Variants in ARHGAP29 observed in about 807,000 individuals in gnomAD.
ARHGAP29 encodes rho GTPase-activating protein 29.
A neutral mutation model predicts 122.6 loss-of-function variants in ARHGAP29; 43 were observed. That is an observed-to-expected ratio of 0.35 (90% CI 0.27 to 0.45). The LOEUF (loss-of-function observed/expected upper bound fraction) is 0.45, where lower values mean the gene tolerates loss of function less well. Ranked by LOEUF, ARHGAP29 falls within the 20% of genes least tolerant of loss-of-function variation. ARHGAP29 has a pLI of 1.00. For synonymous variants in ARHGAP29, 506 were observed against 497.1 expected (o/e 1.02, Z -0.24); for missense variants, 1,303 against 1,477.2 (o/e 0.88, Z 1.93).
At chr1:94,206,489 T>G (rs1000104325) in intron 5 of ARHGAP29, among the ~76,000 whole-genome samples, 1 of 152,196 alleles carries the variant, frequency 6.6e-6, no homozygotes, top group Non-Finnish European at 1.5e-5. Context: ...GTTCACTAAC[T>G]TTGTAAGTCC....
At chr1:94,190,156 A>G (rs1650051841) in intron 12 of ARHGAP29, 73 bp from the exon 13 acceptor site, 1 of 1,471,664 alleles carries the variant, frequency 6.8e-7, no homozygotes, top group African/African-American at 1.4e-5. Flanking sequence ...ATTTATTTCA[A>G]TGACTGCACC....
At chr1:94,257,094 T>G (rs1654387997) in intron 1 of ARHGAP29, among the ~76,000 whole-genome samples, 1 of 152,118 alleles carries the variant, frequency 6.6e-6, no homozygotes, top group Non-Finnish European at 1.5e-5. Flanking sequence ...CTTTTATGAT[T>G]CAGAAGACAC....
chr1:94,309,942 G>T, the ARHGAP29 span, among the ~76,000 whole-genome samples: 1 of 152,102 alleles, frequency 6.6e-6, no homozygotes, highest in African/African-American at 2.4e-5. Context: ...ATTTTAGAAG[G>T]CTCTCAGTAA....
chr1:94,296,849 G>C, the ARHGAP29 span, among the ~76,000 whole-genome samples: 1 of 152,214 alleles, frequency 6.6e-6, no homozygotes, highest in Non-Finnish European at 1.5e-5. Flanking sequence ...TGAGATTCAA[G>C]TCTCAAATAG....
chr1:94,185,101 C>T, intron 17 of ARHGAP29, 41 bp from the exon 18 acceptor site: 1 of 1,548,082 alleles, frequency 6.5e-7, no homozygotes. Context: ...AACCTTAAAA[C>T]TATTCACAAC....
chr1:94,312,434 C>CTT, the ARHGAP29 span, among the ~76,000 whole-genome samples: 3 of 119,594 alleles, frequency 2.5e-5, no homozygotes, highest in Non-Finnish European at 5.3e-5. Context: ...CCCCCTCCTT[C>CTT]TTTTTTTTTT....
intron 1 of ARHGAP29, among the ~76,000 whole-genome samples, chr1:94,263,161 C>T (rs1157529335): frequency 6.6e-6 from 1 of 152,234 alleles, no homozygotes; most frequent in East Asian, 1.9e-4. Flanking sequence ...TCAAATCCTG[C>T]ATGTTCTCAC....
chr1:94,210,438 G>A (rs989384214), intron 3 of ARHGAP29, among the ~76,000 whole-genome samples: 1 of 152,154 alleles, frequency 6.6e-6, no homozygotes, highest in Non-Finnish European at 1.5e-5. Context: ...AATACACAAC[G>A]AGAGTTGGAA....
chr1:94,279,114 TC>T (rs1655274513), upstream of ARHGAP29, among the ~76,000 whole-genome samples: 1 of 152,206 alleles, frequency 6.6e-6, no homozygotes, highest in South Asian at 2.1e-4. Context: ...GCTTCTTTGA[TC>T]CTTTTGGCTA....
At chr1:94,232,341 A>AATGCATATAC (rs1393331499) in intron 1 of ARHGAP29, among the ~76,000 whole-genome samples, 4 of 152,136 alleles carry the variant, frequency 2.6e-5, no homozygotes, top group Non-Finnish European at 5.9e-5. Context: ...TTTTCCTAAT[A>AATGCATATAC]ATGCATATAC....
At chr1:94,254,869 A>G (rs918100438) in intron 1 of ARHGAP29, among the ~76,000 whole-genome samples, 1 of 152,204 alleles carries the variant, frequency 6.6e-6, no homozygotes, top group Non-Finnish European at 1.5e-5. Context: ...CCAGATGCCA[A>G]TAACAATGTT....
chr1:94,273,202 T>C (rs1361097891), intron 1 of ARHGAP29, among the ~76,000 whole-genome samples: 9 of 152,186 alleles, frequency 5.9e-5, no homozygotes, highest in Admixed American at 5.9e-4. Flanking sequence ...TCCTGAATAC[T>C]AAAGGCAAAA....
the ARHGAP29 span, among the ~76,000 whole-genome samples, chr1:94,313,173 C>T: frequency 6.6e-6 from 1 of 152,152 alleles, no homozygotes; most frequent in Non-Finnish European, 1.5e-5. Flanking sequence ...AATCTCCTTC[C>T]TTTTCTCTTC....
intron 1 of ARHGAP29, among the ~76,000 whole-genome samples, chr1:94,268,653 A>G (rs1311784733): frequency 4.6e-5 from 7 of 152,212 alleles, no homozygotes; most frequent in African/African-American, 1.4e-4. Flanking sequence ...TTGAATGAAG[A>G]TACTGGCATA....
intron 7 of ARHGAP29, 145 bp from the exon 8 acceptor site, chr1:94,204,139 TCTTC>T: frequency 1.9e-6 from 1 of 514,728 alleles, no homozygotes; most frequent in Non-Finnish European, 3.2e-6. Context: ...AATACTTCTT[TCTTC>T]CTTTTTTTTT....
In ARHGAP29 at chr1:94,201,776, C is replaced by T; in HGVS notation, c.1225G>A (p.Glu409Lys). The change falls in exon 12 of 23, where the codon GAA becomes AAA. Residue 409 changes from glutamate to lysine, a missense_variant. Physicochemically the swap from Glu to Lys is moderately conservative, Grantham distance 56. Coordinates refer to ENST00000260526, the MANE Select transcript of ARHGAP29 (RefSeq NM_004815.4). Reference protein sequence around the residue: ...RRNDLENTKREILAQLRTLVF... With the variant: ...RRNDLENTKRKILAQLRTLVF... ...AGTGTCCGGAGTTGTGCTAAAATTTCTCTTTTGGTATTTTCTAGATCATTT... is the reference window on the plus strand; with the variant it reads ...AGTGTCCGGAGTTGTGCTAAAATTTTTCTTTTGGTATTTTCTAGATCATTT... 4 of 1,613,772 alleles carry T rather than the reference C, an allele frequency of 2.5e-6. No homozygotes were observed. Among genetic ancestry groups the T allele is most frequent in the Non-Finnish European group, 3.4e-6 (4 of 1,179,906 alleles).
chr1:94,307,397 A>G, the ARHGAP29 span, among the ~76,000 whole-genome samples: 3 of 152,354 alleles, frequency 2.0e-5, no homozygotes, highest in African/African-American at 4.8e-5. Context: ...CCTCTAGAAA[A>G]TGTGGGCAAA....
intron 3 of ARHGAP29, among the ~76,000 whole-genome samples, chr1:94,213,046 G>T (rs912349970): frequency 6.6e-6 from 1 of 151,938 alleles, no homozygotes; most frequent in Non-Finnish European, 1.5e-5. Context: ...AACCATTTAC[G>T]GTTTCTTCAC....
At chr1:94,236,174 T>C (rs1182792027) in intron 1 of ARHGAP29, among the ~76,000 whole-genome samples, 1 of 152,202 alleles carries the variant, frequency 6.6e-6, no homozygotes, top group East Asian at 1.9e-4. Flanking sequence ...AATAGGGACA[T>C]GTGAGAAAGA....
Sources: allele counts gnomAD v4.1 joint callset (sites outside exome capture counted in the v4.1 genomes callset), GRCh38; gene constraint gnomAD v4.1.1; transcripts MANE v1.5; gene names NCBI Gene and HGNC (gene_info 2026-07-23, HGNC 2026-07-21).